The following EIF4G3 variants were observed in gnomAD, a reference collection of about 807,000 sequenced individuals.
The protein encoded by EIF4G3 is eukaryotic translation initiation factor 4 gamma 3, also known as eIF-4-gamma 3.
Under a neutral mutation model 186.4 loss-of-function variants are expected in EIF4G3, and 34 were observed. The ratio of observed to expected loss-of-function variants is 0.18; its 90% CI spans 0.14 to 0.24. The LOEUF (loss-of-function observed/expected upper bound fraction) is 0.24, where lower values mean the gene tolerates loss of function less well. Ranked by LOEUF, EIF4G3 falls within the 10% of genes least tolerant of loss-of-function variation. The pLI is 1.00. For missense variants in EIF4G3, 1,536 were observed against 1,948.5 expected (o/e 0.79, Z 3.99); for synonymous variants, 673 against 679.5 (o/e 0.99, Z 0.15).
In EIF4G3 at chr1:20,941,554, C is replaced by A. The variant is rs748539423; in HGVS notation, c.1600G>T (p.Asp534Tyr). The A allele has an allele frequency of 2.8e-5, 45 of 1,613,246 alleles. 2 individuals are homozygous for A. In the Middle Eastern group the frequency reaches 1.2e-3, roughly 41 times the overall value. Residue 534 changes from aspartate to tyrosine, a missense_variant, in exon 14 of 37, where the codon GAT (aspartate) becomes TAT (tyrosine). Physicochemically the swap from Asp to Tyr is radical, Grantham distance 160. Coordinates refer to ENST00000602326, the MANE Select transcript of EIF4G3 (RefSeq NM_001391906.1). ...TCCAAAATCTCTTCTGTTTGCCCAT[C>A]TGCTTCTACCTCTATTTTGTTCTGA... is the stretch of plus-strand genomic sequence containing the variant. ...EIQNKIEVEA[D>Y]GQTEEILDSQ...
rs1374092686 is a variant in EIF4G3, at chr1:21,018,587, A to G, written c.-66-15779T>C. Among the ~76,000 whole-genome samples, 4 of 151,962 alleles carry G rather than the reference A, an allele frequency of 2.6e-5. No individual in the cohort carries two copies. In the East Asian group the frequency reaches 7.7e-4, roughly 29 times the overall value. On this transcript the variant is annotated intron_variant, in intron 4 of 36. Coordinates refer to ENST00000602326, the MANE Select transcript of EIF4G3 (RefSeq NM_001391906.1). ...AAAAAAAAAAAAAAATTAAGGTGGT[A>G]CTATGGTTGAATACTGACCCCTCCA...
At chr1:20,971,165 G>C (rs1434340563) in intron 11 of EIF4G3, among the ~76,000 whole-genome samples, 1 of 152,160 alleles carries the variant, frequency 6.6e-6, no homozygotes, top group Non-Finnish European at 1.5e-5. Flanking sequence ...TCTATTCTGG[G>C]AGAGTGCTAA....
intron 4 of EIF4G3, among the ~76,000 whole-genome samples, chr1:21,031,349 T>A: frequency 9.2e-6 from 1 of 108,240 alleles, no homozygotes; most frequent in African/African-American, 3.6e-5. Flanking sequence ...TCTCAAACAA[T>A]GAGAAAATGG....
intron 2 of EIF4G3, among the ~76,000 whole-genome samples, chr1:21,150,895 A>T (rs987306899): frequency 6.6e-6 from 1 of 152,132 alleles, no homozygotes; most frequent in Non-Finnish European, 1.5e-5. Context: ...AGAATCGCTT[A>T]AACTCAGGAG....
At chr1:21,064,194 T>C (rs2095107632) in intron 3 of EIF4G3, among the ~76,000 whole-genome samples, 2 of 152,034 alleles carry the variant, frequency 1.3e-5, no homozygotes, top group Non-Finnish European at 2.9e-5. Context: ...TGCTATCCTT[T>C]GTGCCCTGCA....
In EIF4G3 at chr1:20,813,253, G is replaced by T. The variant is rs2059611244; in HGVS notation, c.4516-14C>A. On this transcript the variant is annotated splice_polypyrimidine_tract_variant and intron_variant, in intron 34 of 36. Transcript: ENST00000602326. ...GTCTAGATTAGCCTGAAGTCAAAAA[G>T]AAATAAAACAATTAAAGATACCTTG... 6.2e-7 allele frequency: 1 copy of T among 1,600,454 alleles called. No individual in the cohort carries two copies. The highest frequency in any genetic ancestry group is 1.1e-5 in the South Asian group (1 of 90,604).
chr1:21,081,841 C>T (rs1029483040), intron 3 of EIF4G3, among the ~76,000 whole-genome samples: 4 of 151,876 alleles, frequency 2.6e-5, no homozygotes, highest in South Asian at 2.1e-4. Flanking sequence ...CGGTGTTTCG[C>T]CATGTTGGCC....
Position 20,893,518 on chromosome 1 carries a change from G to A in EIF4G3, c.2252C>T (p.Pro751Leu). The A allele has an allele frequency of 6.3e-7, 1 of 1,598,256 alleles. No homozygotes were observed. The highest frequency in any genetic ancestry group is 8.6e-7 in the Non-Finnish European group (1 of 1,168,370). The change falls in exon 18 of 37, where the codon CCT becomes CTT. Residue 751 changes from proline (P) to leucine (L), a missense_variant and splice_region_variant. Physicochemically the swap from Pro to Leu is moderately conservative, Grantham distance 98. This residue lies in a region of EIF4G3 where 139 missense variants were observed against 192.8 expected (regional missense o/e 0.72). Coordinates refer to ENST00000602326, the MANE Select transcript of EIF4G3 (RefSeq NM_001391906.1). ...GRQTPGGRGV[P>L]LLNVGSRRSQ... The stretch of plus-strand genomic sequence containing the variant: ...GAGTTGTAGGGAACTTGCACTTACA[G>A]GTACGCCTCTTCCACCAGGTGTCTG...
chr1:20,856,513 T>A (rs1170539538), intron 25 of EIF4G3, among the ~76,000 whole-genome samples: 1 of 152,230 alleles, frequency 6.6e-6, no homozygotes, highest in African/African-American at 2.4e-5. Context: ...AAGTTCTTCA[T>A]CCTCCTTACA....
At chr1:20,892,337 C>G (rs2086366257) in intron 18 of EIF4G3, among the ~76,000 whole-genome samples, 1 of 152,168 alleles carries the variant, frequency 6.6e-6, no homozygotes, top group Non-Finnish European at 1.5e-5. Flanking sequence ...CAACTTTCCC[C>G]ATGCTTTCTG....
intron 4 of EIF4G3, among the ~76,000 whole-genome samples, chr1:21,012,058 A>G (rs879498890): frequency 5.3e-5 from 8 of 152,232 alleles, no homozygotes; most frequent in Admixed American, 2.0e-4. Flanking sequence ...ATCCTGAAGT[A>G]TAAAAGTTTG....
intron 2 of EIF4G3, among the ~76,000 whole-genome samples, chr1:21,152,824 G>A (rs1414994131): frequency 1.3e-5 from 2 of 152,024 alleles, no homozygotes; most frequent in Non-Finnish European, 2.9e-5. Flanking sequence ...TCACACACAG[G>A]TAAAAGATCC....
At chr1:21,118,759 C>A (rs774198129) in intron 2 of EIF4G3, among the ~76,000 whole-genome samples, 6 of 149,414 alleles carry the variant, frequency 4.0e-5, no homozygotes, top group Non-Finnish European at 3.0e-5. Flanking sequence ...ACACTCCAGC[C>A]TGGGCGACAG....
intron 2 of EIF4G3, among the ~76,000 whole-genome samples, chr1:21,114,187 G>A (rs1374839929): frequency 6.7e-6 from 1 of 149,176 alleles, no homozygotes; most frequent in Non-Finnish European, 1.5e-5. Context: ...TCGCTCTGTT[G>A]CCAGGCTGGA....
chr1:20,834,381 T>G (rs923365989), intron 30 of EIF4G3, among the ~76,000 whole-genome samples: 7 of 152,136 alleles, frequency 4.6e-5, no homozygotes, highest in Admixed American at 1.3e-4. Context: ...GAGGTTGCAG[T>G]GAGCCTTGAT....
At chr1:20,952,367 G>A (rs2096258234) in intron 12 of EIF4G3, among the ~76,000 whole-genome samples, 1 of 151,942 alleles carries the variant, frequency 6.6e-6, no homozygotes, top group Non-Finnish European at 1.5e-5. Flanking sequence ...TGTTAGCCAG[G>A]GTGGTCTTGA....
chr1:21,098,471 G>A (rs2096433380), intron 2 of EIF4G3, among the ~76,000 whole-genome samples: 1 of 150,246 alleles, frequency 6.7e-6, no homozygotes. Flanking sequence ...CTCAGGAGGT[G>A]GAGACTGCAG....
intron 30 of EIF4G3, among the ~76,000 whole-genome samples, chr1:20,832,751 G>A (rs371042018): frequency 2.9e-5 from 4 of 135,958 alleles, no homozygotes; most frequent in African/African-American, 8.2e-5. Flanking sequence ...TAGGTCTAAC[G>A]TTTAAGTCTT....
chr1:20,943,972 T>TGTG (rs1558363073), intron 13 of EIF4G3, among the ~76,000 whole-genome samples: 2,134 of 44,796 alleles, frequency 0.048, 380 homozygotes, highest in Admixed American at 0.054. Context: ...TCTTTATTTT[T>TGTG]TTTGTGTGTG....
Sources: allele counts gnomAD v4.1 joint callset (sites outside exome capture counted in the v4.1 genomes callset), GRCh38; gene constraint gnomAD v4.1.1; regional missense constraint gnomAD v4.1.1; transcripts MANE v1.5; gene names NCBI Gene and HGNC (gene_info 2026-07-23, HGNC 2026-07-21).